The following KHDC4 variants were observed in gnomAD, a reference collection of about 807,000 sequenced individuals.
KHDC4 encodes the protein KH homology domain-containing protein 4.
KHDC4 carries 19 observed loss-of-function variants against 74.5 expected under a neutral mutation model. The ratio of observed to expected loss-of-function variants is 0.26; its 90% CI spans 0.18 to 0.37. The LOEUF (loss-of-function observed/expected upper bound fraction) is 0.37. Ranked by LOEUF, KHDC4 falls within the 10% of genes least tolerant of loss-of-function variation. The pLI, the probability that KHDC4 is intolerant of heterozygous loss-of-function variation, is 1.00. For synonymous variants in KHDC4, 253 were observed against 266.1 expected (o/e 0.95, Z 0.48); for missense variants, 632 against 754.1 (o/e 0.84, Z 1.90).
At chr1:155,920,934 T>C (rs1037636577) in intron 10 of KHDC4, among the ~76,000 whole-genome samples, 1 of 152,208 alleles carries the variant, frequency 6.6e-6, no homozygotes, top group African/African-American at 2.4e-5. Context: ...GCCAAGGGTA[T>C]GGCAAACTAT....
intron 4 of KHDC4, among the ~76,000 whole-genome samples, chr1:155,927,874 A>ACACAC (rs1557970777): frequency 2.9e-5 from 2 of 68,070 alleles, no homozygotes; most frequent in African/African-American, 5.3e-5. Flanking sequence ...ACACACACAC[A>ACACAC]AAATTAATGG....
rs766408272 is a variant in KHDC4 at position 155,925,697 on chromosome 1, T to C, written c.828A>G (p.Lys276=). The change falls in exon 7 of 14, where the codon AAA becomes AAG. Residue 276 remains lysine (K), a synonymous_variant. Transcript: ENST00000368321. ...ATGCTGGCTCAATGCAGCCTGAACC[T>C]TTGCCCCGCAGGAAGACTTTGGCAC... ...ETGAKVFLRG[K]GSGCIEPASG... 10 of 1,614,072 alleles carry C rather than the reference T, an allele frequency of 6.2e-6. No individual in the cohort carries two copies. In the African/African-American group the frequency reaches 1.2e-4, roughly 19 times the overall value.
In KHDC4 at chr1:155,915,910, A is replaced by G. The variant is rs1237437790; in HGVS notation, c.1608T>C (p.Asp536=). ...TTAAGGTCCCAGACCCATTCCTTTC[A>G]TCGGACTCTGTTTTTATTCCAGTCA... ...FPVTGIKTES[D]ERNGSGTLTG... is the part of the protein sequence containing the mutation. Residue 536 remains aspartate, a synonymous_variant, in exon 13 of 14, where the codon GAT becomes GAC. Coordinates refer to ENST00000368321, the MANE Select transcript of KHDC4 (RefSeq NM_014949.4). 1.1e-5 allele frequency: 18 copies of G among 1,602,478 alleles called. No individual in the cohort carries two copies. Among genetic ancestry groups the G allele is most frequent in the Non-Finnish European group, 1.5e-5 (18 of 1,176,138 alleles).
chr1:155,926,004 C>T, intron 6 of KHDC4, 161 bp from the exon 7 acceptor site: 1 of 774,212 alleles, frequency 1.3e-6, no homozygotes, highest in South Asian at 1.4e-5. Flanking sequence ...TCAGTGAAGG[C>T]TGCTCTCTCC....
chr1:155,931,050 G>T (rs1357462470), intron 2 of KHDC4, among the ~76,000 whole-genome samples: 3 of 151,834 alleles, frequency 2.0e-5, no homozygotes, highest in African/African-American at 7.3e-5. Context: ...GGCTGGGACC[G>T]GTGGCTCACA....
Position 155,915,858 on chromosome 1 carries a change from C to G in KHDC4, c.1645+15G>C, listed in dbSNP as rs201421397. The G allele has an allele frequency of 2.6e-6, 4 of 1,524,004 alleles. No homozygotes were observed. The highest frequency in any genetic ancestry group is 2.7e-6 in the Non-Finnish European group (3 of 1,110,600). 94.4% of individuals were successfully genotyped at this position (1,524,004 alleles called of 1,614,324 possible). ...CTTAGCCACTCCCCTGTTCCCCCAG[C>G]TATATCACACTCACCATGGCTCCCT... is the stretch of plus-strand genomic sequence containing the variant. On this transcript the variant is annotated intron_variant, in intron 13 of 13. Coordinates refer to ENST00000368321, the MANE Select transcript of KHDC4 (RefSeq NM_014949.4).
chr1:155,933,506 A>C (rs1674187582), intron 2 of KHDC4, 127 bp downstream of exon 2: 3 of 645,764 alleles, frequency 4.6e-6, no homozygotes, highest in African/African-American at 1.8e-5. Flanking sequence ...GGCTGGTCTC[A>C]AACTCCTGAC....
chr1:155,923,113 G>T lies in KHDC4; in HGVS notation c.954+514C>A, dbSNP rs546118036. On this transcript the variant is annotated intron_variant, in intron 8 of 13. Transcript: ENST00000368321. The stretch of plus-strand genomic sequence containing the variant: ...CCAGCTACTTGGGAGGCTGAGGCAG[G>T]AGAATGGCGTGAACCCGGGAGGCGG... Among the ~76,000 whole-genome samples, 15 of 151,580 alleles carry T rather than the reference G, an allele frequency of 9.9e-5. No individual in the cohort carries two copies. The South Asian group carries it at 2.9e-3, about 29-fold the overall frequency.
chr1:155,921,839 A>G (rs1171676797), intron 9 of KHDC4, 22 bp downstream of exon 9: 3 of 1,569,488 alleles, frequency 1.9e-6, no homozygotes, highest in Non-Finnish European at 2.6e-6. Flanking sequence ...AATATTTTTT[A>G]AACACTTCAA....
intron 10 of KHDC4, among the ~76,000 whole-genome samples, chr1:155,918,975 T>C (rs1259316462): frequency 2.0e-5 from 3 of 148,870 alleles, no homozygotes; most frequent in East Asian, 2.0e-4. Flanking sequence ...CTCCCAGTTT[T>C]TTTTTTTTTT....
chr1:155,929,642 GTC>G, intron 3 of KHDC4, 68 bp downstream of exon 3: 1 of 1,519,010 alleles, frequency 6.6e-7, no homozygotes, highest in Non-Finnish European at 8.9e-7. Flanking sequence ...TCTGACGCCT[GTC>G]TATTTAGAGG....
intron 10 of KHDC4, among the ~76,000 whole-genome samples, chr1:155,919,735 T>A (rs1210296217): frequency 6.6e-6 from 1 of 151,888 alleles, no homozygotes; most frequent in Admixed American, 6.6e-5. Flanking sequence ...CGCGTGAACC[T>A]GGGAGGCGGA....
At chr1:155,917,930 T>C (rs1673768682) in intron 10 of KHDC4, among the ~76,000 whole-genome samples, 1 of 152,198 alleles carries the variant, frequency 6.6e-6, no homozygotes, top group Non-Finnish European at 1.5e-5. Context: ...TTTGGGCTAC[T>C]AGGAGTAAAC....
At chr1:155,916,220 A>G (rs1673726691) in intron 12 of KHDC4, among the ~76,000 whole-genome samples, 1 of 152,220 alleles carries the variant, frequency 6.6e-6, no homozygotes, top group Non-Finnish European at 1.5e-5. Context: ...ATATACTAAT[A>G]TAAGAAAGGA....
chr1:155,920,001 T>C lies in KHDC4; in HGVS notation c.1266+1374A>G, dbSNP rs767893522. The C allele has an allele frequency of 7.7e-6, 4 of 518,152 alleles. No homozygotes were observed. In the Admixed American group the frequency reaches 7.8e-5, roughly 10 times the overall value. The allele number at this position is 518,152 out of a possible 1,614,324, so 32.1% of individuals were successfully genotyped here. ...CATTTGCTATGGCATGGGTACACTA[T>C]GAGAGGCCCACAGAGAAGGACCCAC... On this transcript the variant is annotated intron_variant, in intron 10 of 13. Transcript: ENST00000368321.
intron 8 of KHDC4, 141 bp from the exon 9 acceptor site, chr1:155,922,059 A>C (rs1297085488): frequency 1.8e-6 from 1 of 548,506 alleles, no homozygotes. Flanking sequence ...AAACTTGTTT[A>C]ACCCACATTT....
intron 7 of KHDC4, among the ~76,000 whole-genome samples, chr1:155,924,677 A>T (rs542946217): frequency 1.4e-5 from 2 of 147,352 alleles, no homozygotes; most frequent in African/African-American, 5.0e-5. Context: ...GGGTTCAAGC[A>T]ATTCTCCTAC....
At chr1:155,931,906 T>G (rs1006833835) in intron 2 of KHDC4, among the ~76,000 whole-genome samples, 1 of 152,182 alleles carries the variant, frequency 6.6e-6, no homozygotes, top group Non-Finnish European at 1.5e-5. Flanking sequence ...CCGCCTTTAA[T>G]AGTACTTATC....
chr1:155,928,638 T>C (rs994929717), intron 4 of KHDC4, among the ~76,000 whole-genome samples: 79 of 147,178 alleles, frequency 5.4e-4, no homozygotes, highest in Admixed American at 3.0e-3. Flanking sequence ...AGGGGAACTA[T>C]TTCCACAGAA....
Sources: allele counts gnomAD v4.1 joint callset (sites outside exome capture counted in the v4.1 genomes callset), GRCh38; gene constraint gnomAD v4.1.1; transcripts MANE v1.5; gene names NCBI Gene and HGNC (gene_info 2026-07-23, HGNC 2026-07-21).